Variants in NUP50 observed in about 807,000 individuals in gnomAD.
NUP50 encodes nucleoporin 50.
A neutral mutation model predicts 36.8 loss-of-function variants in NUP50; 14 were observed. That is an observed-to-expected ratio of 0.38 (90% CI 0.25 to 0.59). The LOEUF is 0.59. NUP50 is among the 20% of genes least tolerant of loss of function. NUP50 has a pLI of 0.63. For missense variants in NUP50, 455 were observed against 564.6 expected, an observed-to-expected ratio of 0.81 and a Z score of 1.97; for synonymous variants, 195 against 210.8, an observed-to-expected ratio of 0.93 and a Z score of 0.65.
At chr22:45,183,131 G>T (rs1406426620) in intron 6 of NUP50, among the ~76,000 whole-genome samples, 3 of 149,190 alleles carry the variant, frequency 2.0e-5, no homozygotes, top group Non-Finnish European at 4.5e-5. Context: ...TGACTGACTT[G>T]AGAACACAGT....
At chr22:45,165,148 C>G (rs1601762561) in intron 1 of NUP50, among the ~76,000 whole-genome samples, 1 of 152,204 alleles carries the variant, frequency 6.6e-6, no homozygotes, top group Non-Finnish European at 1.5e-5. Context: ...TCCAGTTTAC[C>G]TAGACTTTCA....
chr22:45,183,698 A>G, intron 7 of NUP50, 178 bp downstream of exon 7: 3 of 554,462 alleles, frequency 5.4e-6, no homozygotes, highest in Non-Finnish European at 6.5e-6. Context: ...AGGAAACATA[A>G]ATGTGTTAGA....
At chr22:45,170,952 T>C (rs2074182608) in intron 2 of NUP50, 1 of 1,300,480 alleles carries the variant, frequency 7.7e-7, no homozygotes, top group African/African-American at 1.5e-5. Flanking sequence ...TAGGTGAGAA[T>C]TTTTGCATGA....
intron 2 of NUP50, chr22:45,170,853 A>T: frequency 2.4e-6 from 1 of 420,464 alleles, no homozygotes; most frequent in Non-Finnish European, 4.3e-6. Context: ...ACATTTAGTT[A>T]AGTACATTTA....
intron 3 of NUP50, 64 bp downstream of exon 3, chr22:45,171,747 C>A: frequency 7.9e-7 from 1 of 1,271,652 alleles, no homozygotes; most frequent in South Asian, 1.2e-5. Context: ...GCACAGCAAT[C>A]CCTCCGCTGG....
chr22:45,169,052 C>T (rs2074142564), intron 2 of NUP50, among the ~76,000 whole-genome samples: 2 of 151,930 alleles, frequency 1.3e-5, no homozygotes, highest in African/African-American at 4.8e-5. Flanking sequence ...CAGGTGTACA[C>T]CACCACACCC....
At chr22:45,170,064 C>T (rs1445599855) in intron 2 of NUP50, among the ~76,000 whole-genome samples, 2 of 152,200 alleles carry the variant, frequency 1.3e-5, no homozygotes, top group Non-Finnish European at 2.9e-5. Flanking sequence ...CTGACGTACG[C>T]CGCCTTCCTT....
rs1370356628 is a variant in NUP50, at chr22:45,184,916, A to T, written c.*261A>T. ...GAAGATTTTTTAATGTTCGTTTATT[A>T]AACTAACCCTAAGTGATTTCTTCAA... On this transcript the variant is annotated 3_prime_UTR_variant, in exon 8 of 8. Transcript: ENST00000347635. 4 of 483,600 alleles carry T rather than the reference A, an allele frequency of 8.3e-6. No homozygotes were observed. Among genetic ancestry groups the T allele is most frequent in the Admixed American group, 3.7e-5 (1 of 27,310 alleles). 30.0% of individuals were successfully genotyped at this position (483,600 alleles called of 1,614,324 possible).
In NUP50 at chr22:45,186,284, G is replaced by C. The variant is rs2074470258; in HGVS notation, c.*1629G>C. On this transcript the variant is annotated 3_prime_UTR_variant, in exon 8 of 8. Coordinates refer to ENST00000347635, the MANE Select transcript of NUP50 (RefSeq NM_007172.4). ...ATAGTAGGCACCTAGGGAGGAAGTG[G>C]CCGTTAGTTTTACACTGACTTTTTA... is the stretch of plus-strand genomic sequence containing the variant. 1 of 152,204 alleles carries C rather than the reference G, an allele frequency of 6.6e-6. No individual in the cohort carries two copies. Among genetic ancestry groups the C allele is most frequent in the Admixed American group, 6.5e-5 (1 of 15,284 alleles). 9.4% of individuals were successfully genotyped at this position (152,204 alleles called of 1,614,324 possible). A position where few individuals can be genotyped will look rare whatever the true frequency, so the allele number is the denominator to read the frequency against.
chr22:45,166,797 G>T (rs1282261673), intron 1 of NUP50, among the ~76,000 whole-genome samples: 3 of 148,862 alleles, frequency 2.0e-5, no homozygotes, highest in Non-Finnish European at 4.5e-5. Flanking sequence ...AGTGTTTTTG[G>T]GTGGACATTA....
chr22:45,165,511 A>G (rs132857), intron 1 of NUP50, among the ~76,000 whole-genome samples: 18,925 of 152,222 alleles, frequency 0.12, 1,539 homozygotes, highest in East Asian at 0.41. Context: ...TAAGTTCTTC[A>G]TAACAGTAGC....
At position 45,186,435 on chromosome 22, in the gene NUP50, AAG is replaced by A. The variant is rs1166974476; in HGVS notation, c.*1781_*1782del. Reference sequence around the variant, plus strand: ...TCAGCTTTTAAAAAGATGAAGAACTAAGGGGAACAAATTTAAGTTTGTTGCAA... The same window carrying A: ...TCAGCTTTTAAAAAGATGAAGAACTAGGGAACAAATTTAAGTTTGTTGCAA... On this transcript the variant is annotated 3_prime_UTR_variant, in exon 8 of 8. Transcript: ENST00000347635. 6.6e-6 allele frequency: 1 copy of A among 152,224 alleles called. No individual in the cohort carries two copies. Among genetic ancestry groups the A allele is most frequent in the Non-Finnish European group, 1.5e-5 (1 of 68,044 alleles). The allele number at this position is 152,224 out of a possible 1,614,324, so 9.4% of individuals were successfully genotyped here. A position where few individuals can be genotyped will look rare whatever the true frequency, so the allele number is the denominator to read the frequency against.
intron 5 of NUP50, chr22:45,180,238 C>G (rs1373987319): frequency 6.6e-6 from 1 of 152,176 alleles, no homozygotes; most frequent in Non-Finnish European, 1.5e-5. Context: ...TCAGAAGACT[C>G]GGGAGATTGG....
chr22:45,173,226 ATT>A (rs2074224403), intron 3 of NUP50, among the ~76,000 whole-genome samples: 1 of 151,782 alleles, frequency 6.6e-6, no homozygotes, highest in African/African-American at 2.4e-5. Flanking sequence ...TAAAAATTGT[ATT>A]TCTTATTTGA....
At chr22:45,173,338 GTTT>G (rs132885) in intron 3 of NUP50, among the ~76,000 whole-genome samples, 25 of 134,942 alleles carry the variant, frequency 1.9e-4, no homozygotes, top group East Asian at 8.7e-4. Flanking sequence ...AACTTCAGGT[GTTT>G]TTTTTTTTTT....
chr22:45,178,081 G>A (rs1286194834), intron 4 of NUP50, 157 bp from the exon 5 acceptor site: 2 of 667,748 alleles, frequency 3.0e-6, no homozygotes, highest in East Asian at 2.8e-5. Flanking sequence ...AGCCAAGATC[G>A]TGCCACGGCA....
intron 2 of NUP50, 135 bp downstream of exon 2, chr22:45,168,381 TTA>T (rs1697749114): frequency 3.1e-6 from 2 of 637,850 alleles, no homozygotes; most frequent in Non-Finnish European, 5.6e-6. Flanking sequence ...TGACAAGAAA[TTA>T]TATGACCTGT....
intron 2 of NUP50, among the ~76,000 whole-genome samples, chr22:45,169,885 C>T (rs2074157850): frequency 6.6e-6 from 1 of 152,196 alleles, no homozygotes; most frequent in Admixed American, 6.5e-5. Flanking sequence ...CATCCAGAGG[C>T]TTGAACCCCT....
At chr22:45,168,144 ACT>A in intron 1 of NUP50, 22 bp from the exon 2 acceptor site, 1 of 1,525,580 alleles carries the variant, frequency 6.6e-7, no homozygotes, top group Non-Finnish European at 9.0e-7. Flanking sequence ...AGAAAAATAA[ACT>A]CTTCTGTTTT....
Sources: gnomAD v4.1 joint callset for allele counts (sites outside exome capture counted in the v4.1 genomes callset) on GRCh38, gnomAD v4.1.1 for gene constraint, MANE v1.5 for transcripts, NCBI Gene and HGNC (gene_info 2026-07-23, HGNC 2026-07-21) for gene names.